MARCHF8: variants seen among roughly 807,000 people sequenced by gnomAD.
MARCHF8 encodes the protein membrane associated ring-CH-type finger 8.
A neutral mutation model predicts 51.6 loss-of-function variants in MARCHF8; 40 were observed. The observed-to-expected ratio is 0.77, with a 90% confidence interval of 0.60 to 1.01. The LOEUF (loss-of-function observed/expected upper bound fraction) is 1.01, where lower values mean the gene tolerates loss of function less well. Ranked by LOEUF, MARCHF8 falls within the 50% of genes least tolerant of loss-of-function variation. The pLI is 0.00. For synonymous variants in MARCHF8, 263 were observed against 280.3 expected (o/e 0.94, Z 0.62); for missense variants, 685 against 708.6 (o/e 0.97, Z 0.38).
intron 3 of MARCHF8, among the ~76,000 whole-genome samples, chr10:45,487,479 T>A (rs980838300): frequency 5.9e-5 from 9 of 152,182 alleles, no homozygotes; most frequent in African/African-American, 1.9e-4. Flanking sequence ...AAACAGGCCA[T>A]CTGCAGCTGC....
chr10:45,473,090 CG>C (rs2042723637), intron 3 of MARCHF8, among the ~76,000 whole-genome samples: 1 of 152,192 alleles, frequency 6.6e-6, no homozygotes, highest in Admixed American at 6.5e-5. Context: ...GGTCTGCCCT[CG>C]CGTAATAAAA....
At chr10:45,489,305 T>C (rs1342977828) in intron 3 of MARCHF8, 62 bp downstream of exon 3, 4 of 1,227,698 alleles carry the variant, frequency 3.3e-6, no homozygotes, top group African/African-American at 3.1e-5. Flanking sequence ...TATAAACACA[T>C]GTAAGGCATA....
chr10:45,463,453 C>T lies in MARCHF8; in HGVS notation c.786G>A (p.Leu262=), dbSNP rs1188868849. Residue 262 remains leucine, a synonymous_variant, in exon 5 of 8, where the codon CTG becomes CTA. Coordinates refer to ENST00000453424, the MANE Select transcript of MARCHF8 (RefSeq NM_001282866.2). ...CGCTCAAGCCGTGCGAGAGTGAGAACAGGTACTGGAGCAGTTGCCGGCTTC... is the reference window on the plus strand; with the variant it reads ...CGCTCAAGCCGTGCGAGAGTGAGAATAGGTACTGGAGCAGTTGCCGGCTTC... ...TSRSRQLLQY[L]FSLSHGLSAS... 1.9e-6 allele frequency: 3 copies of T among 1,550,524 alleles called. No individual in the cohort carries two copies. Among genetic ancestry groups the T allele is most frequent in the Non-Finnish European group, 8.7e-7 (1 of 1,147,018 alleles).
At chr10:45,593,928 TG>T (rs1432064183) in intron 1 of MARCHF8, among the ~76,000 whole-genome samples, 1 of 152,202 alleles carries the variant, frequency 6.6e-6, no homozygotes, top group Non-Finnish European at 1.5e-5. Flanking sequence ...CCTCAACCTA[TG>T]ACTTGCAGGG....
At chr10:45,484,522 T>C (rs1228364870) in intron 3 of MARCHF8, among the ~76,000 whole-genome samples, 1 of 152,228 alleles carries the variant, frequency 6.6e-6, no homozygotes, top group Non-Finnish European at 1.5e-5. Flanking sequence ...AACAGATTTT[T>C]TTCCAAGGGG....
rs1274794815 is a variant in MARCHF8 at position 45,456,716 on chromosome 10, G to A, written c.*1523C>T. 2.6e-5 allele frequency: 4 copies of A among 152,226 alleles called. No homozygotes were observed. Among genetic ancestry groups the A allele is most frequent in the Non-Finnish European group, 5.9e-5 (4 of 68,046 alleles). 9.4% of individuals were successfully genotyped at this position (152,226 alleles called of 1,614,324 possible). A position where few individuals can be genotyped will look rare whatever the true frequency, so the allele number is the denominator to read the frequency against. ...AGCATCTGCGCTACATTGTGCTTCA[G>A]GCCCCCCCAGCAACTTTCCCGGAGG... On this transcript the variant is annotated 3_prime_UTR_variant, in exon 8 of 8. Transcript: ENST00000453424.
At chr10:45,582,032 A>G (rs1370917281) in intron 1 of MARCHF8, among the ~76,000 whole-genome samples, 1 of 152,216 alleles carries the variant, frequency 6.6e-6, no homozygotes, top group African/African-American at 2.4e-5. Flanking sequence ...TCACGCCACA[A>G]TATGTTTTTT....
At chr10:45,568,898 C>G (rs1014298426) in intron 1 of MARCHF8, among the ~76,000 whole-genome samples, 1 of 150,944 alleles carries the variant, frequency 6.6e-6, no homozygotes, top group Non-Finnish European at 1.5e-5. Flanking sequence ...AAAACCCTGT[C>G]TCTACTAAAA....
At chr10:45,546,960 T>C (rs1470668542) in intron 1 of MARCHF8, among the ~76,000 whole-genome samples, 2 of 152,130 alleles carry the variant, frequency 1.3e-5, no homozygotes, top group Admixed American at 6.5e-5. Flanking sequence ...CAGTGGCTTG[T>C]ATCTGTAGTC....
chr10:45,463,291 G>A lies in MARCHF8; in HGVS notation c.948C>T (p.Ser316=). The change falls in exon 5 of 8, where the codon AGC becomes AGT. Residue 316 remains serine (S), a synonymous_variant. Transcript: ENST00000453424. ...CCCTACTCTTCAGTTTTGCAGATGT[G>A]CTGTCCTCAAAGACATCGTCGTCTC... ...EMGDDDVFED[S]TSAKLKSRVL... 6.4e-7 allele frequency: 1 copy of A among 1,550,992 alleles called. No homozygotes were observed. The highest frequency in any genetic ancestry group is 8.7e-7 in the Non-Finnish European group (1 of 1,147,086).
chr10:45,544,754 C>CT (rs1181427333), intron 1 of MARCHF8, among the ~76,000 whole-genome samples: 4 of 152,158 alleles, frequency 2.6e-5, no homozygotes, highest in Admixed American at 6.5e-5. Context: ...GGAAATGTCT[C>CT]TAACTGGATT....
intron 2 of MARCHF8, among the ~76,000 whole-genome samples, chr10:45,511,413 C>T (rs1409277269): frequency 6.6e-5 from 10 of 152,196 alleles, no homozygotes; most frequent in African/African-American, 1.4e-4. Flanking sequence ...CCACGGCCCA[C>T]GGTCTCCCTC....
At chr10:45,535,914 A>T (rs76934400), upstream of MARCHF8, among the ~76,000 whole-genome samples, 577 of 152,306 alleles carry the variant, frequency 3.8e-3, 12 homozygotes, top group East Asian at 0.053. Flanking sequence ...CTGGTTGTTG[A>T]AGAAATTGGA....
chr10:45,522,048 T>C (rs2043714209), intron 2 of MARCHF8, among the ~76,000 whole-genome samples: 1 of 152,196 alleles, frequency 6.6e-6, no homozygotes, highest in Non-Finnish European at 1.5e-5. Context: ...ACTGGTTGTC[T>C]TTTTAGTTTT....
At chr10:45,533,321 C>A (rs2043920238) in intron 1 of MARCHF8, 32 bp from the exon 2 acceptor site, 4 of 1,344,042 alleles carry the variant, frequency 3.0e-6, no homozygotes, top group Non-Finnish European at 3.9e-6. Flanking sequence ...ATAAACATAA[C>A]TCAGCTAAAA....
At chr10:45,527,988 T>C (rs1212928213) in intron 2 of MARCHF8, among the ~76,000 whole-genome samples, 1 of 152,054 alleles carries the variant, frequency 6.6e-6, no homozygotes, top group African/African-American at 2.4e-5. Context: ...ATAAACAGGA[T>C]TAAAAACAAA....
Position 45,585,807 on chromosome 10 carries a change from CTTT to C in MARCHF8, c.-79+8425_-79+8427del, listed in dbSNP as rs1360536798. Among the ~76,000 whole-genome samples the C allele has an allele frequency of 2.0e-5, 3 of 152,110 alleles. No individual in the cohort carries two copies. The South Asian group carries it at 6.2e-4, about 32-fold the overall frequency. On this transcript the variant is annotated intron_variant, in intron 1 of 6. Transcript: ENST00000319836. ...AACTTCTACATAACAAAAAAAACTT[CTTT>C]TCTTTGGCAAAGATGTGTTCATTGA...
rs1026019589 is a variant in MARCHF8 at position 45,478,145 on chromosome 10, C to A, written c.153+11222G>T. 2.0e-5 allele frequency among the ~76,000 whole-genome samples: 3 copies of A among 152,144 alleles called. No individual in the cohort carries two copies. The South Asian group carries it at 6.2e-4, about 31-fold the overall frequency. On this transcript the variant is annotated intron_variant, in intron 3 of 7. Transcript: ENST00000453424. ...CACACAGACCATTCTTCAGGATAGG[C>A]CACAGGTTAGGACACAAAACAAGTC...
chr10:45,547,055 T>C (rs1400539923), intron 1 of MARCHF8, among the ~76,000 whole-genome samples: 2 of 133,642 alleles, frequency 1.5e-5, no homozygotes, highest in East Asian at 4.3e-4. Context: ...AGACCTTGTC[T>C]CCCCACCAAA....
Sources: gnomAD v4.1 joint callset for allele counts (sites outside exome capture counted in the v4.1 genomes callset) on GRCh38, gnomAD v4.1.1 for gene constraint, MANE v1.5 for transcripts, NCBI Gene and HGNC (gene_info 2026-07-23, HGNC 2026-07-21) for gene names.